GALNT14: variants seen among roughly 807,000 people sequenced by gnomAD.
The protein encoded by GALNT14 is UDP-GalNAc:polypeptide N-acetylgalactosaminyltransferase 14.
GALNT14 carries 60 observed loss-of-function variants against 77.5 expected under a neutral mutation model. The observed-to-expected ratio is 0.77, with a 90% CI of 0.63 to 0.96. The LOEUF (loss-of-function observed/expected upper bound fraction) is 0.96. Ranked by LOEUF, GALNT14 falls within the 40% of genes least tolerant of loss-of-function variation. GALNT14 has a pLI of 0.00. For missense variants in GALNT14, 710 were observed against 731.0 expected (o/e 0.97, Z 0.33); for synonymous variants, 280 against 281.7 (o/e 0.99, Z 0.06).
intron 1 of GALNT14, among the ~76,000 whole-genome samples, chr2:31,080,321 ATTT>A (rs773988059): frequency 6.6e-6 from 1 of 152,208 alleles, no homozygotes; most frequent in African/African-American, 2.4e-5. Flanking sequence ...GTAATGAATA[ATTT>A]TTTAGTGTGT....
intron 1 of GALNT14, among the ~76,000 whole-genome samples, chr2:31,072,440 C>G (rs1272206094): frequency 6.6e-6 from 1 of 151,922 alleles, no homozygotes; most frequent in Non-Finnish European, 1.5e-5. Context: ...CGCCTGACCT[C>G]TCCTCTCTTT....
chr2:31,103,824 T>C (rs1303468043), intron 1 of GALNT14, among the ~76,000 whole-genome samples: 1 of 152,136 alleles, frequency 6.6e-6, no homozygotes, highest in Non-Finnish European at 1.5e-5. Context: ...TACTTTTAGT[T>C]TTAGTTTAGT....
At chr2:31,035,518 A>C (rs1672660908) in intron 1 of GALNT14, among the ~76,000 whole-genome samples, 1 of 150,014 alleles carries the variant, frequency 6.7e-6, no homozygotes, top group Non-Finnish European at 1.5e-5. Context: ...CATGGAATCA[A>C]TCAATTCCCA....
At chr2:30,953,569 A>T (rs1323234451) in intron 6 of GALNT14, among the ~76,000 whole-genome samples, 1 of 152,128 alleles carries the variant, frequency 6.6e-6, no homozygotes, top group African/African-American at 2.4e-5. Context: ...TGGCCTCCCA[A>T]AGTGCTGGGA....
Position 31,099,177 on chromosome 2 carries a change from C to T in GALNT14, c.129+38781G>A, listed in dbSNP as rs558116807. On this transcript the variant is annotated intron_variant, in intron 1 of 14. Coordinates refer to ENST00000349752, the MANE Select transcript of GALNT14 (RefSeq NM_024572.4). ...ATCTGATAGATAAAATATGCTATTC[C>T]TATATAGCTTTGAGTTTTGATGAGG... is the stretch of plus-strand genomic sequence containing the variant. 3.9e-5 allele frequency among the ~76,000 whole-genome samples: 6 copies of T among 152,108 alleles called. No individual in the cohort carries two copies. The East Asian group carries it at 1.2e-3, about 29-fold the overall frequency.
intron 1 of GALNT14, among the ~76,000 whole-genome samples, chr2:31,007,549 G>C (rs1302580887): frequency 6.6e-6 from 1 of 152,134 alleles, no homozygotes; most frequent in Admixed American, 6.5e-5. Flanking sequence ...GTGACATTTC[G>C]AATGTCTCCC....
intron 1 of GALNT14, among the ~76,000 whole-genome samples, chr2:31,053,048 C>G (rs1184996269): frequency 6.6e-6 from 1 of 152,130 alleles, no homozygotes; most frequent in Non-Finnish European, 1.5e-5. Flanking sequence ...TAAGCTGCGG[C>G]AGAAGGGGTT....
At chr2:31,048,370 C>T (rs1013777779) in intron 1 of GALNT14, among the ~76,000 whole-genome samples, 2 of 152,202 alleles carry the variant, frequency 1.3e-5, no homozygotes, top group Non-Finnish European at 2.9e-5. Context: ...CCAGCCACTT[C>T]TCCCCATGAG....
At chr2:31,021,252 C>G (rs1224029308) in intron 1 of GALNT14, among the ~76,000 whole-genome samples, 1 of 152,082 alleles carries the variant, frequency 6.6e-6, no homozygotes, top group Non-Finnish European at 1.5e-5. Context: ...GGGTCTTCTC[C>G]CTCAGACCTG....
chr2:31,069,002 G>A (rs1486232572), intron 1 of GALNT14, among the ~76,000 whole-genome samples: 1 of 152,196 alleles, frequency 6.6e-6, no homozygotes, highest in African/African-American at 2.4e-5. Context: ...CTGGAGCGGG[G>A]TGGGGCATGG....
intron 1 of GALNT14, among the ~76,000 whole-genome samples, chr2:31,121,521 C>T (rs751052040): frequency 7.9e-5 from 12 of 152,312 alleles, no homozygotes; most frequent in Non-Finnish European, 1.0e-4. Flanking sequence ...AAATCTGACA[C>T]ACTCTGGTTT....
the GALNT14 span, among the ~76,000 whole-genome samples, chr2:30,899,914 C>T: frequency 6.6e-6 from 1 of 152,200 alleles, no homozygotes; most frequent in Admixed American, 6.5e-5. Flanking sequence ...GTCACGTCTG[C>T]ACAGCTGCTA....
intron 1 of GALNT14, among the ~76,000 whole-genome samples, chr2:31,072,770 G>C (rs541154790): frequency 7.7e-4 from 117 of 152,260 alleles, no homozygotes; most frequent in African/African-American, 2.8e-3. Context: ...GTGCCAGACA[G>C]GGTGGCTCAG....
intron 1 of GALNT14, among the ~76,000 whole-genome samples, chr2:31,115,260 A>G (rs185341184): frequency 6.6e-6 from 1 of 151,502 alleles, no homozygotes; most frequent in Non-Finnish European, 1.5e-5. Flanking sequence ...CAAAAAAATT[A>G]CAAAAAAAAA....
chr2:31,137,378 T>C (rs1679271373), intron 1 of GALNT14, among the ~76,000 whole-genome samples: 1 of 152,350 alleles, frequency 6.6e-6, no homozygotes, highest in East Asian at 1.9e-4. Flanking sequence ...TTACAGGCTC[T>C]TTCGTGGTGT....
At position 30,921,081 on chromosome 2, in the gene GALNT14, G is replaced by A. The variant is rs539543426; in HGVS notation, c.1380+3038C>T. Among the ~76,000 whole-genome samples the A allele has an allele frequency of 2.0e-5, 3 of 152,228 alleles. No homozygotes were observed. The South Asian group carries it at 6.2e-4, about 32-fold the overall frequency. ...CTGCTGTCCCTCCCCTTTTTCACAT[G>A]ACAGGAAGGTCAGCTGGGATGGGCA... On this transcript the variant is annotated intron_variant, in intron 13 of 14. Coordinates refer to ENST00000349752, the MANE Select transcript of GALNT14 (RefSeq NM_024572.4).
In GALNT14 at chr2:30,988,253, A is replaced by G. The variant is rs201023430; in HGVS notation, c.299+4585T>C. The stretch of plus-strand genomic sequence containing the variant: ...TGTTACTCACCCCAGAGGGCAACTG[A>G]TATCAGTAGGACCTTAGCTGCAAGG... On this transcript the variant is annotated intron_variant, in intron 2 of 14. Coordinates refer to ENST00000349752, the MANE Select transcript of GALNT14 (RefSeq NM_024572.4). Among the ~76,000 whole-genome samples the G allele has an allele frequency of 3.1e-4, 47 of 152,338 alleles. No homozygotes were observed. The East Asian group carries it at 6.2e-3, about 20-fold the overall frequency.
chr2:30,983,359 T>C (rs1301618474), intron 2 of GALNT14, among the ~76,000 whole-genome samples: 1 of 152,232 alleles, frequency 6.6e-6, no homozygotes, highest in African/African-American at 2.4e-5. Context: ...TTAATAGTCT[T>C]AGACTCAATA....
chr2:31,092,778 T>G lies in GALNT14; in HGVS notation c.129+45180A>C, dbSNP rs138659584. On this transcript the variant is annotated intron_variant, in intron 1 of 14. Coordinates refer to ENST00000349752, the MANE Select transcript of GALNT14 (RefSeq NM_024572.4). Reference sequence around the variant, plus strand: ...AATGTACAGTGTAGTGAATATACAATGTAGTGATCAATGCAAGATGACCAT... The same window carrying G: ...AATGTACAGTGTAGTGAATATACAAGGTAGTGATCAATGCAAGATGACCAT... Among the ~76,000 whole-genome samples the G allele has an allele frequency of 2.1e-4, 32 of 152,322 alleles. No individual in the cohort carries two copies. In the East Asian group the frequency reaches 3.9e-3, roughly 18 times the overall value.
Sources: allele counts gnomAD v4.1 joint callset (sites outside exome capture counted in the v4.1 genomes callset), GRCh38; gene constraint gnomAD v4.1.1; transcripts MANE v1.5; gene names NCBI Gene and HGNC (gene_info 2026-07-23, HGNC 2026-07-21).